CSNK1A1: variants seen among roughly 807,000 people sequenced by gnomAD.
CSNK1A1 encodes casein kinase 1 alpha 1.
Under a neutral mutation model 46.1 loss-of-function variants are expected in CSNK1A1, and 7 were observed. The observed-to-expected ratio is 0.15, with a 90% CI of 0.09 to 0.29. CSNK1A1 has a LOEUF of 0.29. Among genes scored for constraint, CSNK1A1 ranks in the 10% least tolerant of loss-of-function variants. CSNK1A1 has a pLI of 1.00. For synonymous variants in CSNK1A1, 137 were observed against 141.5 expected (o/e 0.97, Z 0.23); for missense variants, 96 against 417.1 (o/e 0.23, Z 6.71).
chr5:149,498,480 A>C (rs1760725525), intron 9 of CSNK1A1: 2 of 985,378 alleles, frequency 2.0e-6, no homozygotes, highest in African/African-American at 3.5e-5. Context: ...ACCAAATTTC[A>C]ATTTTAAAAT....
intron 5 of CSNK1A1, 123 bp downstream of exon 5, chr5:149,512,947 A>G: frequency 1.8e-6 from 2 of 1,128,248 alleles, no homozygotes; most frequent in South Asian, 1.6e-5. Context: ...AATGATTAAT[A>G]AGCATCCTTC....
At chr5:149,543,451 G>A (rs1365531639) in intron 2 of CSNK1A1, among the ~76,000 whole-genome samples, 3 of 151,348 alleles carry the variant, frequency 2.0e-5, no homozygotes, top group Non-Finnish European at 4.4e-5. Flanking sequence ...AAGTTAAAAA[G>A]CACATTTCTC....
intron 2 of CSNK1A1, among the ~76,000 whole-genome samples, chr5:149,543,417 A>G (rs1256869716): frequency 6.6e-6 from 1 of 152,086 alleles, no homozygotes; most frequent in African/African-American, 2.4e-5. Context: ...CAGCTCTAGT[A>G]TACCATGAAT....
At chr5:149,509,613 C>G (rs1761151407) in intron 7 of CSNK1A1, among the ~76,000 whole-genome samples, 1 of 152,216 alleles carries the variant, frequency 6.6e-6, no homozygotes, top group African/African-American at 2.4e-5. Context: ...GTTGCCCAGG[C>G]TGGTCTTGTG....
chr5:149,544,814 T>C (rs1369972810), intron 2 of CSNK1A1, among the ~76,000 whole-genome samples: 1 of 145,348 alleles, frequency 6.9e-6, no homozygotes, highest in Non-Finnish European at 1.5e-5. Flanking sequence ...AACAGTAGGC[T>C]AGTAGTAGTT....
chr5:149,516,254 T>C (rs1461045198), intron 4 of CSNK1A1, among the ~76,000 whole-genome samples: 2 of 151,948 alleles, frequency 1.3e-5, no homozygotes, highest in Non-Finnish European at 2.9e-5. Flanking sequence ...GAGGTGGAAG[T>C]TGCAGTGGGC....
At chr5:149,521,748 T>C (rs1561760965) in intron 3 of CSNK1A1, among the ~76,000 whole-genome samples, 1 of 151,718 alleles carries the variant, frequency 6.6e-6, no homozygotes, top group South Asian at 2.1e-4. Flanking sequence ...TCCCGAGTAG[T>C]TGGGATTACA....
At chr5:149,534,482 C>CAAAAAAAAAAAAAAAAAAA (rs10597922) in intron 2 of CSNK1A1, among the ~76,000 whole-genome samples, 1 of 94,980 alleles carries the variant, frequency 1.1e-5, no homozygotes, top group African/African-American at 4.2e-5. Flanking sequence ...GACTCTGTCT[C>CAAAAAAAAAAAAAAAAAAA]AAAAAAAAAA....
rs1353712535 is a variant in CSNK1A1, at chr5:149,542,656, A to ATGTG, written c.230+7418_230+7419insCACA. Among the ~76,000 whole-genome samples, 55 of 6,498 alleles carry ATGTG rather than the reference A, an allele frequency of 8.5e-3. 5 individuals carry two copies. The highest frequency in any genetic ancestry group is 0.046 in the African/African-American group (54 of 1,170). 4.3% of individuals were successfully genotyped at this position (6,498 alleles called of 152,430 possible). A position where few individuals can be genotyped will look rare whatever the true frequency, so the allele number is the denominator to read the frequency against. ...TATATATATGTATATATATATATAT[A>ATGTG]TATATATATATATATGTATATATAT... On this transcript the variant is annotated intron_variant, in intron 2 of 9. Transcript: ENST00000377843.
chr5:149,501,885 G>A, intron 9 of CSNK1A1: 1 of 969,166 alleles, frequency 1.0e-6, no homozygotes, highest in Non-Finnish European at 1.2e-6. Context: ...TTCGAAGTGT[G>A]TTGGGTGTGA....
At chr5:149,516,318 C>T (rs1219643898) in intron 4 of CSNK1A1, among the ~76,000 whole-genome samples, 1 of 149,462 alleles carries the variant, frequency 6.7e-6, no homozygotes, top group Non-Finnish European at 1.5e-5. Flanking sequence ...AGTGAAACCC[C>T]GTCTCAAAAC....
At chr5:149,526,369 G>A (rs1044977328) in intron 2 of CSNK1A1, among the ~76,000 whole-genome samples, 40 of 152,026 alleles carry the variant, frequency 2.6e-4, no homozygotes, top group Non-Finnish European at 3.1e-4. Context: ...GTCTCCCTAC[G>A]TTGCCCAGGC....
chr5:149,523,286 G>A (rs981708251), intron 3 of CSNK1A1, among the ~76,000 whole-genome samples: 10 of 152,168 alleles, frequency 6.6e-5, no homozygotes, highest in East Asian at 1.9e-4. Context: ...GTGATTTACC[G>A]GCCTTGGCCT....
chr5:149,501,007 T>C (rs1435037370), intron 9 of CSNK1A1: 2 of 985,308 alleles, frequency 2.0e-6, no homozygotes, highest in Non-Finnish European at 1.2e-6. Context: ...TCTGGAGTTT[T>C]AAAATACCTG....
chr5:149,544,717 G>A (rs1377721922), intron 2 of CSNK1A1, among the ~76,000 whole-genome samples: 4 of 101,678 alleles, frequency 3.9e-5, no homozygotes, highest in Admixed American at 2.0e-4. Context: ...CCAAAGTGAG[G>A]ATGATGAGGG....
chr5:149,545,101 C>CA lies in CSNK1A1; in HGVS notation c.230+4973dup, dbSNP rs35387594. ...TGGGTGACAGAGCAAGACTCCATCTCAAAAAAAAAAAAAAAGTTACACTTG... is the reference window on the plus strand; with the variant it reads ...TGGGTGACAGAGCAAGACTCCATCTCAAAAAAAAAAAAAAAAGTTACACTTG... On this transcript the variant is annotated intron_variant, in intron 2 of 9. Coordinates refer to ENST00000377843, the MANE Select transcript of CSNK1A1 (RefSeq NM_001892.6). Among the ~76,000 whole-genome samples, 1,002 of 134,154 alleles carry CA rather than the reference C, an allele frequency of 7.5e-3. 8 individuals carry two copies. The highest frequency in any genetic ancestry group is 9.2e-3 in the Non-Finnish European group (574 of 62,244). 88.0% of individuals were successfully genotyped at this position (134,154 alleles called of 152,430 possible). A position where few individuals can be genotyped will look rare whatever the true frequency, so the allele number is the denominator to read the frequency against.
In CSNK1A1 at chr5:149,503,127, C is replaced by T. The variant is rs978303503; in HGVS notation, c.1006+2320G>A. 3.0e-6 allele frequency: 3 copies of T among 985,170 alleles called. No individual in the cohort carries two copies. The African/African-American group carries it at 5.2e-5, about 17-fold the overall frequency. The allele number at this position is 985,170 out of a possible 1,614,324, so 61.0% of individuals were successfully genotyped here. A position where few individuals can be genotyped will look rare whatever the true frequency, so the allele number is the denominator to read the frequency against. Reference sequence around the variant, plus strand: ...CTTAAGAGACTATGCTTTTAAATGCCCTTGTTACTTAGAGACTGGAAGCAG... The same window carrying T: ...CTTAAGAGACTATGCTTTTAAATGCTCTTGTTACTTAGAGACTGGAAGCAG... On this transcript the variant is annotated intron_variant, in intron 9 of 9. Coordinates refer to ENST00000377843, the MANE Select transcript of CSNK1A1 (RefSeq NM_001892.6).
At chr5:149,548,986 G>T (rs1762571039) in intron 2 of CSNK1A1, among the ~76,000 whole-genome samples, 1 of 152,186 alleles carries the variant, frequency 6.6e-6, no homozygotes, top group Admixed American at 6.5e-5. Context: ...CCATGAAGAG[G>T]ATCTTTAATC....
At chr5:149,542,628 AT>A (rs1762300799) in intron 2 of CSNK1A1, among the ~76,000 whole-genome samples, 1 of 12,120 alleles carries the variant, frequency 8.3e-5, no homozygotes, top group Non-Finnish European at 1.2e-4. Flanking sequence ...ATATATATAT[AT>A]ATATATATAT....
Sources: gnomAD v4.1 joint callset for allele counts (sites outside exome capture counted in the v4.1 genomes callset) on GRCh38, gnomAD v4.1.1 for gene constraint, MANE v1.5 for transcripts, NCBI Gene and HGNC (gene_info 2026-07-23, HGNC 2026-07-21) for gene names.